RAB8A: variants seen among roughly 807,000 people sequenced by gnomAD.
RAB8A encodes the protein ras-related protein Rab-8A.
RAB8A carries 5 observed loss-of-function variants against 29.2 expected under a neutral mutation model. The ratio of observed to expected loss-of-function variants is 0.17; its 90% CI spans 0.09 to 0.36. The LOEUF is 0.36. Ranked by LOEUF, RAB8A falls within the 10% of genes least tolerant of loss-of-function variation. The probability of loss-of-function intolerance (pLI) is 1.00; values close to 1 mark genes in which losing one functional copy is unlikely to be tolerated. For missense variants in RAB8A, 171 were observed against 272.2 expected (o/e 0.63, Z 2.62); for synonymous variants, 108 against 99.9 (o/e 1.08, Z -0.49).
At chr19:16,124,992 G>T in intron 3 of RAB8A, 1 of 177,752 alleles carries the variant, frequency 5.6e-6, no homozygotes, top group Non-Finnish European at 1.2e-5. Context: ...TGGATGTCGG[G>T]TCAGGACTTC....
At chr19:16,131,659 G>A (rs1349979135) in intron 7 of RAB8A, among the ~76,000 whole-genome samples, 1 of 151,676 alleles carries the variant, frequency 6.6e-6, no homozygotes, top group African/African-American at 2.4e-5. Flanking sequence ...GGGATGGATG[G>A]TTGGTTGGTT....
rs1439387083 is a variant in RAB8A at position 16,132,165 on chromosome 19, A to C, written c.532-47A>C. The C allele has an allele frequency of 7.1e-7, 1 of 1,407,152 alleles. No individual in the cohort carries two copies. Among genetic ancestry groups the C allele is most frequent in the East Asian group, 2.3e-5 (1 of 43,856 alleles). 87.2% of individuals were successfully genotyped at this position (1,407,152 alleles called of 1,614,324 possible). On this transcript the variant is annotated intron_variant, in intron 7 of 7. Transcript: ENST00000300935. This position sits in a 1 kb window ranked among gnomAD's most constrained non-coding sequence, Gnocchi z 5.6. ...GGATGGCTGGTTGATTGTGAGACGT[A>C]GTGCTGATTCTCAGTGATAACCTCA... is the stretch of plus-strand genomic sequence containing the variant.
At chr19:16,129,249 G>A (rs1310545869) in intron 6 of RAB8A, among the ~76,000 whole-genome samples, 1 of 152,204 alleles carries the variant, frequency 6.6e-6, no homozygotes, top group Admixed American at 6.5e-5. Context: ...CTGGCCAACT[G>A]AGTGTCGCCC....
intron 7 of RAB8A, among the ~76,000 whole-genome samples, chr19:16,130,662 G>T (rs1471602426): frequency 6.6e-6 from 1 of 151,906 alleles, no homozygotes; most frequent in Non-Finnish European, 1.5e-5. Context: ...TTAAAAAAGA[G>T]ATTTTTTTTT....
chr19:16,125,098 G>A lies in RAB8A; in HGVS notation c.247-372G>A, dbSNP rs192190755. 1.3e-3 allele frequency: 449 copies of A among 358,884 alleles called. No individual in the cohort carries two copies. Among genetic ancestry groups the A allele is most frequent in the African/African-American group, 8.6e-3 (418 of 48,338 alleles). 22.2% of individuals were successfully genotyped at this position (358,884 alleles called of 1,614,324 possible). A position where few individuals can be genotyped will look rare whatever the true frequency, so the allele number is the denominator to read the frequency against. On this transcript the variant is annotated intron_variant, in intron 3 of 7. Coordinates refer to ENST00000300935, the MANE Select transcript of RAB8A (RefSeq NM_005370.5). This position sits in a 1 kb window ranked among gnomAD's most constrained non-coding sequence, Gnocchi z 5.0. ...ATTGCAGGGGAGGGTCAGCGTGAGG[G>A]GAGTGCTGCTGGCAGTGGGCCTGTG...
Position 16,132,396 on chromosome 19 carries a change from AACGCCCCGCCC to A in RAB8A, c.*98_*108del. On this transcript the variant is annotated 3_prime_UTR_variant, in exon 8 of 8. Transcript: ENST00000300935. The surrounding 1 kb of genome is among the most constrained non-coding windows in gnomAD (Gnocchi z 5.6). Reference sequence around the variant, plus strand: ...ACTCAGCCGGGGCCCTCCCACCTCCAACGCCCCGCCCACGCCGCGGCCACCGGGCCCACGGC... The same window carrying A: ...ACTCAGCCGGGGCCCTCCCACCTCCAACGCCGCGGCCACCGGGCCCACGGC... 3 of 1,311,120 alleles carry A rather than the reference AACGCCCCGCCC, an allele frequency of 2.3e-6. No homozygotes were observed. In the Admixed American group the frequency reaches 6.1e-5, roughly 27 times the overall value. 81.2% of individuals were successfully genotyped at this position (1,311,120 alleles called of 1,614,324 possible). A position where few individuals can be genotyped will look rare whatever the true frequency, so the allele number is the denominator to read the frequency against.
In RAB8A at chr19:16,121,606, T is replaced by G; in HGVS notation, c.186-144T>G. ...TCCTTCCCTGTAATAATAGGGAGAT[T>G]AGAAGGTGCTGCCTTAGCAGAAGAA... On this transcript the variant is annotated intron_variant, in intron 2 of 7. Coordinates refer to ENST00000300935, the MANE Select transcript of RAB8A (RefSeq NM_005370.5). 3 of 688,600 alleles carry G rather than the reference T, an allele frequency of 4.4e-6. No homozygotes were observed. The South Asian group carries it at 5.3e-5, about 12-fold the overall frequency. 42.7% of individuals were successfully genotyped at this position (688,600 alleles called of 1,614,324 possible).
At chr19:16,117,362 A>AG (rs2090850673) in intron 1 of RAB8A, among the ~76,000 whole-genome samples, 2 of 151,796 alleles carry the variant, frequency 1.3e-5, no homozygotes, top group African/African-American at 2.4e-5. Flanking sequence ...TGTGGCAGGC[A>AG]CCTGTGGTCC....
intron 2 of RAB8A, among the ~76,000 whole-genome samples, chr19:16,119,628 CCACTTCCAG>C (rs150125302): frequency 0.013 from 2,019 of 152,278 alleles, 47 homozygotes; most frequent in African/African-American, 0.044. Flanking sequence ...GGAAGTTTCT[CCACTTCCAG>C]CACGTTGGTG....
At chr19:16,124,253 T>A (rs1321959647) in intron 3 of RAB8A, 2 of 152,140 alleles carry the variant, frequency 1.3e-5, no homozygotes, top group Non-Finnish European at 2.9e-5. Flanking sequence ...TTCATGTCCC[T>A]GAATTCCCAG....
chr19:16,132,120 G>A lies in RAB8A; in HGVS notation c.532-92G>A. 1.0e-6 allele frequency: 1 copy of A among 1,001,178 alleles called. No homozygotes were observed. Among genetic ancestry groups the A allele is most frequent in the Non-Finnish European group, 1.6e-6 (1 of 641,804 alleles). The allele number at this position is 1,001,178 out of a possible 1,614,324, so 62.0% of individuals were successfully genotyped here. A position where few individuals can be genotyped will look rare whatever the true frequency, so the allele number is the denominator to read the frequency against. ...TGGTTGGTTGGATGGTTGGATGGAT[G>A]GTTAGGTGGATGGTTAGGTGGATGG... On this transcript the variant is annotated intron_variant, in intron 7 of 7. Transcript: ENST00000300935. The surrounding 1 kb of genome is among the most constrained non-coding windows in gnomAD (Gnocchi z 5.6).
chr19:16,112,067 G>C (rs771247492), intron 1 of RAB8A, 42 bp downstream of exon 1: 2 of 1,607,606 alleles, frequency 1.2e-6, no homozygotes, highest in African/African-American at 2.7e-5. Context: ...GGAGGCCCGG[G>C]CTGGGCGCGC....
intron 2 of RAB8A, among the ~76,000 whole-genome samples, chr19:16,120,609 CT>C (rs372155452): frequency 2.7e-3 from 347 of 130,548 alleles, no homozygotes; most frequent in African/African-American, 3.4e-3. Context: ...ACACGCCTGG[CT>C]TTTTTTTTTT....
intron 1 of RAB8A, among the ~76,000 whole-genome samples, chr19:16,114,651 G>A (rs1410790537): frequency 6.7e-6 from 1 of 150,332 alleles, no homozygotes. Context: ...GCCTCCCAAA[G>A]TGCTGGGATT....
intron 2 of RAB8A, among the ~76,000 whole-genome samples, chr19:16,121,508 AGAG>A (rs1471218568): frequency 1.3e-5 from 2 of 152,170 alleles, no homozygotes; most frequent in African/African-American, 4.8e-5. Flanking sequence ...AAGGTGCAGA[AGAG>A]GAGAAGGCGC....
At position 16,127,860 on chromosome 19, in the gene RAB8A, G is replaced by A; in HGVS notation, c.415-166G>A. On this transcript the variant is annotated intron_variant, in intron 5 of 7. Coordinates refer to ENST00000300935, the MANE Select transcript of RAB8A (RefSeq NM_005370.5). The surrounding 1 kb of genome is among the most constrained non-coding windows in gnomAD (Gnocchi z 4.8). Reference sequence around the variant, plus strand: ...CATGCCCTGTGAGGCCCTGTGGAGGGGCATTCACTATAGAATTGAGGGAGT... The same window carrying A: ...CATGCCCTGTGAGGCCCTGTGGAGGAGCATTCACTATAGAATTGAGGGAGT... The A allele has an allele frequency of 5.6e-6, 4 of 709,346 alleles. No homozygotes were observed. Among genetic ancestry groups the A allele is most frequent in the Non-Finnish European group, 9.9e-6 (4 of 402,968 alleles). 43.9% of individuals were successfully genotyped at this position (709,346 alleles called of 1,614,324 possible). A position where few individuals can be genotyped will look rare whatever the true frequency, so the allele number is the denominator to read the frequency against.
In RAB8A at chr19:16,122,863, G is replaced by A. The variant is rs956008767; in HGVS notation, c.246+1053G>A. Among the ~76,000 whole-genome samples the A allele has an allele frequency of 6.6e-6, 1 of 152,150 alleles. No homozygotes were observed. The highest frequency in any genetic ancestry group is 2.4e-5 in the African/African-American group (1 of 41,410). On this transcript the variant is annotated intron_variant, in intron 3 of 7. Coordinates refer to ENST00000300935, the MANE Select transcript of RAB8A (RefSeq NM_005370.5). This position sits in a 1 kb window ranked among gnomAD's most constrained non-coding sequence, Gnocchi z 4.7. Reference sequence around the variant, plus strand: ...TTTCCCCCCACCTCACAGTTCTCTGGTGGAGGGTGGGCAGGCGGCCTGAGG... The same window carrying A: ...TTTCCCCCCACCTCACAGTTCTCTGATGGAGGGTGGGCAGGCGGCCTGAGG...
intron 6 of RAB8A, 121 bp from the exon 7 acceptor site, chr19:16,129,433 A>G (rs1178992072): frequency 2.2e-6 from 2 of 914,282 alleles, no homozygotes; most frequent in African/African-American, 3.3e-5. Flanking sequence ...AGAGGCGGGC[A>G]TCAAAGGGCC....
Position 16,127,763 on chromosome 19 carries a change from G to A in RAB8A, c.414+237G>A, listed in dbSNP as rs894727933. 1.5e-5 allele frequency: 9 copies of A among 606,314 alleles called. No individual in the cohort carries two copies. Among genetic ancestry groups the A allele is most frequent in the Admixed American group, 1.1e-4 (4 of 34,816 alleles). 37.6% of individuals were successfully genotyped at this position (606,314 alleles called of 1,614,324 possible). A position where few individuals can be genotyped will look rare whatever the true frequency, so the allele number is the denominator to read the frequency against. On this transcript the variant is annotated intron_variant, in intron 5 of 7. Coordinates refer to ENST00000300935, the MANE Select transcript of RAB8A (RefSeq NM_005370.5). This position sits in a 1 kb window ranked among gnomAD's most constrained non-coding sequence, Gnocchi z 4.8. The stretch of plus-strand genomic sequence containing the variant: ...CAGACTTTCAAGACCACAGGAGCGG[G>A]GAACAGAGCCATAGTTTGATCCCAG...
Sources: allele counts gnomAD v4.1 joint callset (sites outside exome capture counted in the v4.1 genomes callset), GRCh38; gene constraint gnomAD v4.1.1; non-coding constraint Gnocchi (gnomAD v3.1); transcripts MANE v1.5; gene names NCBI Gene and HGNC (gene_info 2026-07-23, HGNC 2026-07-21).